MAGI1: variants seen among roughly 807,000 people sequenced by gnomAD.
The protein encoded by MAGI1 is membrane-associated guanylate kinase, WW and PDZ domain-containing protein 1.
In MAGI1, 58 loss-of-function variants were observed where a neutral mutation model predicts 139.9. The observed-to-expected ratio is 0.41, with a 90% CI of 0.34 to 0.52. The LOEUF is 0.52. Ranked by LOEUF, MAGI1 falls within the 20% of genes least tolerant of loss-of-function variation. MAGI1 has a pLI of 0.12. For missense variants in MAGI1, 1,874 were observed against 1,901.6 expected (o/e 0.99, Z 0.27); for synonymous variants, 812 against 737.9 (o/e 1.10, Z -1.63).
Position 65,355,194 on chromosome 3 carries a change from C to CA in MAGI1, c.*1183dup, listed in dbSNP as rs1322472934. Reference sequence around the variant, plus strand: ...GTTTTGTGCTGCTGTCCAAAGGACTCAAAGGACAGAGTCATGAGGCAGAAG... The same window carrying CA: ...GTTTTGTGCTGCTGTCCAAAGGACTCAAAAGGACAGAGTCATGAGGCAGAAG... On this transcript the variant is annotated 3_prime_UTR_variant, in exon 23 of 23. Coordinates refer to ENST00000402939, the MANE Select transcript of MAGI1 (RefSeq NM_001033057.2). 1.3e-5 allele frequency: 2 copies of CA among 152,278 alleles called. No individual in the cohort carries two copies. Among genetic ancestry groups the CA allele is most frequent in the African/African-American group, 4.8e-5 (2 of 41,454 alleles). 9.4% of individuals were successfully genotyped at this position (152,278 alleles called of 1,614,324 possible).
chr3:65,521,510 A>T (rs531136006), intron 2 of MAGI1, among the ~76,000 whole-genome samples: 1 of 152,204 alleles, frequency 6.6e-6, no homozygotes. Flanking sequence ...TAGTTTATGA[A>T]ATATAGATTT....
intron 1 of MAGI1, among the ~76,000 whole-genome samples, chr3:65,761,251 C>T (rs1291447268): frequency 2.0e-4 from 30 of 152,074 alleles, no homozygotes; most frequent in Admixed American, 1.9e-3. Context: ...AACTTAACAT[C>T]CATACACATT....
chr3:65,889,959 C>T (rs1304236971), intron 1 of MAGI1, among the ~76,000 whole-genome samples: 3 of 152,214 alleles, frequency 2.0e-5, no homozygotes, highest in African/African-American at 7.2e-5. Context: ...CCAAAGCACA[C>T]AAGCAAGCTT....
chr3:65,384,783 GTGT>G (rs756575230), intron 14 of MAGI1, among the ~76,000 whole-genome samples: 13 of 103,334 alleles, frequency 1.3e-4, no homozygotes, highest in Admixed American at 5.0e-4. Flanking sequence ...AGGAAGGGGT[GTGT>G]GTGTGTGTGT....
chr3:65,375,815 G>A lies in MAGI1; in HGVS notation c.3126C>T (p.Ser1042=), dbSNP rs1386675877. The change falls in exon 18 of 23, where the codon TCC becomes TCT. Residue 1042 remains serine, a synonymous_variant. Transcript: ENST00000402939. ...AVNGCSITNK[S]HSDIVNLIKE... Reference sequence around the variant, plus strand: ...TGATTAGGTTCACAATGTCTGAATGGGATTTGTTGGTGATGGAACATCCAT... The same window carrying A: ...TGATTAGGTTCACAATGTCTGAATGAGATTTGTTGGTGATGGAACATCCAT... The A allele has an allele frequency of 6.2e-7, 1 of 1,614,092 alleles. No homozygotes were observed. Among genetic ancestry groups the A allele is most frequent in the Admixed American group, 1.7e-5 (1 of 60,006 alleles).
intron 1 of MAGI1, among the ~76,000 whole-genome samples, chr3:65,899,137 G>A (rs1242138504): frequency 1.4e-4 from 21 of 152,020 alleles, no homozygotes; most frequent in Admixed American, 1.3e-3. Flanking sequence ...GGCTGGTCTG[G>A]AACTCCTGGG....
chr3:65,827,745 G>C (rs2042304870), intron 1 of MAGI1, among the ~76,000 whole-genome samples: 1 of 152,124 alleles, frequency 6.6e-6, no homozygotes, highest in East Asian at 1.9e-4. Flanking sequence ...GCTGCATAAT[G>C]TTATTGTGAT....
chr3:65,508,006 C>T (rs1243699337), intron 2 of MAGI1, among the ~76,000 whole-genome samples: 2 of 152,006 alleles, frequency 1.3e-5, no homozygotes, highest in Admixed American at 6.6e-5. Flanking sequence ...TGTGATAAAC[C>T]CAAGTTCTGG....
chr3:65,920,749 G>A lies in MAGI1; in HGVS notation c.313+117247C>T, dbSNP rs1214894604. ...CATTTACATTTGGTAAGAACAAAAT[G>A]GCAGGGCGCAGTGGCTCACGCCTGT... On this transcript the variant is annotated intron_variant, in intron 1 of 22. Transcript: ENST00000402939. Among the ~76,000 whole-genome samples, 3 of 152,288 alleles carry A rather than the reference G, an allele frequency of 2.0e-5. No individual in the cohort carries two copies. The East Asian group carries it at 5.8e-4, about 29-fold the overall frequency.
rs75239815 is a variant in MAGI1 at position 65,385,289 on chromosome 3, T to C, written c.2417-1666A>G. On this transcript the variant is annotated intron_variant, in intron 14 of 22. Coordinates refer to ENST00000402939, the MANE Select transcript of MAGI1 (RefSeq NM_001033057.2). ...ATTTCTATTTAATTCTTACGTAATA[T>C]TTTAATGTATACATAGGGTGTTTTA... Among the ~76,000 whole-genome samples, 1,491 of 152,300 alleles carry C rather than the reference T, an allele frequency of 9.8e-3. 23 individuals are homozygous for C. The highest frequency in any genetic ancestry group is 0.034 in the African/African-American group (1,399 of 41,552).
At chr3:65,932,606 T>C (rs2106745636) in intron 1 of MAGI1, among the ~76,000 whole-genome samples, 1 of 152,236 alleles carries the variant, frequency 6.6e-6, no homozygotes, top group Middle Eastern at 3.4e-3. Context: ...TAATTGAAGC[T>C]CTACCTATGA....
At chr3:65,492,298 T>C (rs1952095258) in intron 3 of MAGI1, among the ~76,000 whole-genome samples, 1 of 152,230 alleles carries the variant, frequency 6.6e-6, no homozygotes, top group Non-Finnish European at 1.5e-5. Context: ...GTGACTTTTT[T>C]CCACCACATT....
intron 13 of MAGI1, among the ~76,000 whole-genome samples, chr3:65,393,520 G>A (rs75746700): frequency 0.026 from 3,896 of 152,054 alleles, 170 homozygotes; most frequent in African/African-American, 0.089. Context: ...TAGAATTAAC[G>A]GGAACTGCTA....
At chr3:66,005,656 G>A (rs1363458333) in intron 1 of MAGI1, among the ~76,000 whole-genome samples, 1 of 152,086 alleles carries the variant, frequency 6.6e-6, no homozygotes, top group Non-Finnish European at 1.5e-5. Flanking sequence ...GTGAGTGGAA[G>A]GGGGGAAATC....
At chr3:65,583,415 C>T (rs1043334811) in intron 2 of MAGI1, among the ~76,000 whole-genome samples, 8 of 152,142 alleles carry the variant, frequency 5.3e-5, no homozygotes, top group African/African-American at 1.2e-4. Context: ...GATAGAGTTA[C>T]CCTGTCTCTC....
intron 1 of MAGI1, among the ~76,000 whole-genome samples, chr3:65,627,096 C>T (rs61088656): frequency 0.055 from 8,423 of 152,180 alleles, 489 homozygotes; most frequent in African/African-American, 0.14. Context: ...ATTACAACGC[C>T]GTATTTTTTC....
At chr3:65,662,684 T>C (rs2086265799) in intron 1 of MAGI1, among the ~76,000 whole-genome samples, 1 of 152,216 alleles carries the variant, frequency 6.6e-6, no homozygotes, top group Admixed American at 6.5e-5. Flanking sequence ...ATAGCCATCA[T>C]CTCACATAGT....
chr3:65,471,411 G>C (rs1479165879), intron 4 of MAGI1, among the ~76,000 whole-genome samples: 1 of 152,180 alleles, frequency 6.6e-6, no homozygotes, highest in Non-Finnish European at 1.5e-5. Context: ...CAAAAACAGA[G>C]TGAAGAATGA....
intron 3 of MAGI1, among the ~76,000 whole-genome samples, chr3:65,492,552 C>G (rs1323839010): frequency 6.6e-6 from 1 of 152,066 alleles, no homozygotes; most frequent in Admixed American, 6.6e-5. Flanking sequence ...ATTGCAATGA[C>G]CTATTAAGAC....
Sources: allele counts gnomAD v4.1 joint callset (sites outside exome capture counted in the v4.1 genomes callset), GRCh38; gene constraint gnomAD v4.1.1; transcripts MANE v1.5; gene names NCBI Gene and HGNC (gene_info 2026-07-23, HGNC 2026-07-21).